Variants in CHD9 observed in about 807,000 individuals in gnomAD.
CHD9 encodes the protein chromodomain helicase DNA binding protein 9.
In CHD9, 77 loss-of-function variants were observed where a neutral mutation model predicts 316.1. The observed-to-expected ratio is 0.24, with a 90% CI of 0.20 to 0.29. The LOEUF is 0.29. Ranked by LOEUF, CHD9 falls within the 10% of genes least tolerant of loss-of-function variation. The pLI is 1.00. For synonymous variants in CHD9, 1,129 were observed against 1,158.3 expected (o/e 0.97, Z 0.51); for missense variants, 2,763 against 3,438.1 (o/e 0.80, Z 4.91).
chr16:53,093,287 G>A (rs1228833586), intron 1 of CHD9, among the ~76,000 whole-genome samples: 2 of 152,074 alleles, frequency 1.3e-5, no homozygotes, highest in Non-Finnish European at 1.5e-5. Context: ...TCTCTGAATC[G>A]CATTAACTCA....
At chr16:53,204,870 GTT>G (rs1301806847) in intron 2 of CHD9, among the ~76,000 whole-genome samples, 1 of 152,086 alleles carries the variant, frequency 6.6e-6, no homozygotes, top group African/African-American at 2.4e-5. Context: ...TTGAGACAGA[GTT>G]TCGCTCTGTT....
intron 2 of CHD9, among the ~76,000 whole-genome samples, chr16:53,160,498 T>A (rs2041831801): frequency 6.6e-6 from 1 of 152,212 alleles, no homozygotes; most frequent in Non-Finnish European, 1.5e-5. Flanking sequence ...CGGTTTTAAG[T>A]CACTCACTTT....
chr16:53,142,692 A>G (rs1483821556), intron 1 of CHD9, among the ~76,000 whole-genome samples: 1 of 152,244 alleles, frequency 6.6e-6, no homozygotes, highest in Non-Finnish European at 1.5e-5. Flanking sequence ...AGCTCCTTCA[A>G]CTATGCCATG....
At chr16:53,147,530 A>C (rs1197384073) in intron 1 of CHD9, among the ~76,000 whole-genome samples, 4 of 152,032 alleles carry the variant, frequency 2.6e-5, no homozygotes, top group Non-Finnish European at 5.9e-5. Flanking sequence ...CCCTAGCCCC[A>C]ATAACCTCTA....
chr16:53,248,994 A>G (rs1015476929), intron 16 of CHD9, among the ~76,000 whole-genome samples: 1 of 152,060 alleles, frequency 6.6e-6, no homozygotes, highest in African/African-American at 2.4e-5. Context: ...AGTATTCTCA[A>G]TTTTATATCA....
chr16:53,151,296 G>A (rs1355832656), intron 1 of CHD9, among the ~76,000 whole-genome samples: 1 of 134,786 alleles, frequency 7.4e-6, no homozygotes, highest in Non-Finnish European at 1.5e-5. Context: ...CTGTCACCCA[G>A]GCTGGAGTAC....
intron 2 of CHD9, among the ~76,000 whole-genome samples, chr16:53,193,228 C>A (rs2044616963): frequency 6.6e-6 from 1 of 152,004 alleles, no homozygotes; most frequent in Non-Finnish European, 1.5e-5. Flanking sequence ...GCAGGTGGAT[C>A]ATGAGGTCAG....
At chr16:53,117,001 C>T (rs1399187836) in intron 1 of CHD9, among the ~76,000 whole-genome samples, 2 of 152,114 alleles carry the variant, frequency 1.3e-5, no homozygotes, top group Non-Finnish European at 2.9e-5. Flanking sequence ...CATGTTCTTA[C>T]TCATAAGTGG....
At chr16:53,243,406 C>T (rs2049275261) in intron 13 of CHD9, among the ~76,000 whole-genome samples, 2 of 152,298 alleles carry the variant, frequency 1.3e-5, no homozygotes, top group South Asian at 2.1e-4. Context: ...CTCCACCTCC[C>T]AGGTTCAAGC....
chr16:53,300,129 G>A (rs1041399295), intron 30 of CHD9, among the ~76,000 whole-genome samples: 7 of 152,268 alleles, frequency 4.6e-5, no homozygotes, highest in East Asian at 1.9e-4. Flanking sequence ...CGAGGCAGGC[G>A]GATCACAAGG....
chr16:53,178,644 T>C (rs188731182), intron 2 of CHD9, among the ~76,000 whole-genome samples: 240 of 152,162 alleles, frequency 1.6e-3, no homozygotes, highest in Admixed American at 4.8e-3. Flanking sequence ...TTATTCGTTG[T>C]AGAGATGAGA....
Position 53,285,637 on chromosome 16 carries a change from T to C in CHD9, c.5009T>C (p.Val1670Ala). 6.2e-7 allele frequency: 1 copy of C among 1,608,366 alleles called. No individual in the cohort carries two copies. The highest frequency in any genetic ancestry group is 8.5e-7 in the Non-Finnish European group (1 of 1,176,924). The change falls in exon 25 of 39, where the codon GTT (valine) becomes GCT (alanine). Residue 1670 changes from valine (V) to alanine (A), a missense_variant. This residue lies in a region of CHD9 where 40 missense variants were observed against 39.5 expected (regional missense o/e 1.01). Transcript: ENST00000447540. ...GTACCAGAACCAGACCACTCAGAAG[T>C]TCCTGCTGAGTGGTGGGATTTTGAT... ...VWVPEPDHSE[V>A]PAEWWDFDAD...
At chr16:53,152,968 A>G (rs2041236684) in intron 1 of CHD9, among the ~76,000 whole-genome samples, 2 of 152,354 alleles carry the variant, frequency 1.3e-5, no homozygotes, top group East Asian at 1.9e-4. Flanking sequence ...TCAGAAAAGT[A>G]GGAGAGAAAC....
intron 2 of CHD9, among the ~76,000 whole-genome samples, chr16:53,205,202 A>T (rs1197556444): frequency 1.4e-4 from 21 of 152,192 alleles, no homozygotes; most frequent in Non-Finnish European, 4.4e-5. Context: ...TAAATTTTTA[A>T]ATACTTTGTA....
In CHD9 at chr16:53,325,918, T is replaced by A. The variant is rs2057524652; in HGVS notation, c.*1023T>A. 6.6e-6 allele frequency: 1 copy of A among 152,572 alleles called. No homozygotes were observed. Among genetic ancestry groups the A allele is most frequent in the Non-Finnish European group, 1.5e-5 (1 of 67,978 alleles). The allele number at this position is 152,572 out of a possible 1,614,324, so 9.5% of individuals were successfully genotyped here. On this transcript the variant is annotated 3_prime_UTR_variant, in exon 39 of 39. Transcript: ENST00000447540. ...TTAACAGATAATAGTGGTAAAGTAATATGCAGATAGTCTAAATTCATTTTG... is the reference window on the plus strand; with the variant it reads ...TTAACAGATAATAGTGGTAAAGTAAAATGCAGATAGTCTAAATTCATTTTG...
chr16:53,064,875 A>C (rs2033343515), intron 1 of CHD9, among the ~76,000 whole-genome samples: 1 of 152,190 alleles, frequency 6.6e-6, no homozygotes. Flanking sequence ...AGGCTGAGGC[A>C]GGAGAATCAG....
In CHD9 at chr16:53,231,466, AT is replaced by A; in HGVS notation, c.2336del (p.Leu779Ter). On this transcript the variant is annotated frameshift_variant, in exon 9 of 39. Coordinates refer to ENST00000447540, the MANE Select transcript of CHD9 (RefSeq NM_001308319.2). LOFTEE classifies it high-confidence loss of function. ...NPDYVEVDRV[L>X]EVSFCEDKDT... is the part of the protein sequence containing the mutation. ...CAGACTACGTTGAAGTAGACAGAGT[AT>A]TAGAAGTCTCTTTTTGTGAAGATAA... 6.2e-7 allele frequency: 1 copy of A among 1,602,054 alleles called. No homozygotes were observed. The highest frequency in any genetic ancestry group is 8.5e-7 in the Non-Finnish European group (1 of 1,170,926).
chr16:53,097,643 C>T (rs2036495274), intron 1 of CHD9, among the ~76,000 whole-genome samples: 1 of 152,256 alleles, frequency 6.6e-6, no homozygotes, highest in African/African-American at 2.4e-5. Flanking sequence ...GAATTTAGCA[C>T]TTAATGTGTC....
chr16:53,306,310 G>A lies in CHD9; in HGVS notation c.6693G>A (p.Gln2231=), dbSNP rs780642192. 3.7e-6 allele frequency: 6 copies of A among 1,611,856 alleles called. No individual in the cohort carries two copies. The Admixed American group carries it at 1.0e-4, about 27-fold the overall frequency. Residue 2231 remains glutamine, a synonymous_variant, in exon 32 of 39, where the codon CAG becomes CAA. Transcript: ENST00000447540. The part of the protein sequence containing the change: ...ASLSTTQDET[Q]DSFQMNNGTP... ...TGAGCACTACCCAGGATGAGACTCA[G>A]GATAGTTTTCAGATGAACAATGGGA...
Sources: gnomAD v4.1 joint callset for allele counts (sites outside exome capture counted in the v4.1 genomes callset) on GRCh38, gnomAD v4.1.1 for gene constraint, gnomAD v4.1.1 regional missense constraint, MANE v1.5 for transcripts, NCBI Gene and HGNC (gene_info 2026-07-23, HGNC 2026-07-21) for gene names.